Variants in JMJD1C observed in about 807,000 individuals in gnomAD.
JMJD1C encodes the protein jumonji domain containing 1C.
JMJD1C carries 31 observed loss-of-function variants against 245.3 expected under a neutral mutation model. The observed-to-expected ratio is 0.13, with a 90% CI of 0.09 to 0.17. The LOEUF is 0.17. Ranked by LOEUF, JMJD1C falls within the 10% of genes least tolerant of loss-of-function variation. JMJD1C has a pLI of 1.00. For synonymous variants in JMJD1C, 1,057 were observed against 1,017.4 expected, an observed-to-expected ratio of 1.04 and a Z score of -0.74; for missense variants, 2,691 against 3,000.2, an observed-to-expected ratio of 0.90 and a Z score of 2.41.
At chr10:63,452,455 G>C (rs1323383348) in intron 1 of JMJD1C, among the ~76,000 whole-genome samples, 2 of 152,194 alleles carry the variant, frequency 1.3e-5, no homozygotes, top group East Asian at 3.9e-4. Context: ...CTAGGATGTA[G>C]AGAAACTGGA....
At chr10:63,171,649 G>C (rs141940606) in intron 24 of JMJD1C, among the ~76,000 whole-genome samples, 9 of 152,274 alleles carry the variant, frequency 5.9e-5, no homozygotes, top group African/African-American at 1.9e-4. Flanking sequence ...GCATTTCCTG[G>C]AAACTTGTCA....
At chr10:63,242,327 G>A (rs577060124) in intron 3 of JMJD1C, among the ~76,000 whole-genome samples, 2 of 152,324 alleles carry the variant, frequency 1.3e-5, no homozygotes, top group South Asian at 2.1e-4. Context: ...TGACCTGCAC[G>A]ACTGAAGAAC....
chr10:63,298,680 A>T (rs752407608), intron 2 of JMJD1C, among the ~76,000 whole-genome samples: 2 of 152,192 alleles, frequency 1.3e-5, no homozygotes, highest in South Asian at 2.1e-4. Flanking sequence ...AACCCGTAAC[A>T]TATCTATTTA....
intron 1 of JMJD1C, among the ~76,000 whole-genome samples, chr10:63,507,510 T>C (rs937214783): frequency 2.0e-5 from 3 of 151,762 alleles, no homozygotes; most frequent in South Asian, 4.2e-4. Flanking sequence ...CCAGGAGTGG[T>C]GGCAGATGCC....
At chr10:63,197,319 G>A (rs1163176115) in intron 13 of JMJD1C, 92 bp downstream of exon 13, 4 of 1,076,446 alleles carry the variant, frequency 3.7e-6, no homozygotes, top group African/African-American at 3.3e-5. Flanking sequence ...AATAAGGAAA[G>A]TAGGAATAAA....
intron 2 of JMJD1C, among the ~76,000 whole-genome samples, chr10:63,285,776 C>T (rs1339066150): frequency 6.6e-6 from 1 of 152,072 alleles, no homozygotes; most frequent in Non-Finnish European, 1.5e-5. Context: ...CCACTGCACT[C>T]GAGACTGGGC....
chr10:63,255,007 C>A (rs749721674), intron 3 of JMJD1C, among the ~76,000 whole-genome samples: 1 of 152,038 alleles, frequency 6.6e-6, no homozygotes, highest in Non-Finnish European at 1.5e-5. Flanking sequence ...ACGTGCACCA[C>A]CATGCCCTGC....
intron 1 of JMJD1C, 55 bp downstream of exon 1, chr10:63,465,440 T>G: frequency 2.7e-6 from 4 of 1,503,562 alleles, no homozygotes. Context: ...AAGGTACGTC[T>G]GCGAGAGCCG....
chr10:63,191,199 T>C, intron 16 of JMJD1C, 91 bp from the exon 17 acceptor site: 1 of 929,306 alleles, frequency 1.1e-6, no homozygotes, highest in South Asian at 1.4e-5. Flanking sequence ...TGGCGTGACC[T>C]CGGCTCACTG....
In JMJD1C at chr10:63,257,098, G is replaced by A. The variant is rs144964747; in HGVS notation, c.447+7553C>T. ...TAAAAACACAAAAAATTAGCCGGGC[G>A]TGGTGGCTCGCACCTGTAGTCCCAG... On this transcript the variant is annotated intron_variant, in intron 3 of 25. Coordinates refer to ENST00000399262, the MANE Select transcript of JMJD1C (RefSeq NM_032776.3). Among the ~76,000 whole-genome samples the A allele has an allele frequency of 8.8e-3, 1,331 of 151,828 alleles. 23 individuals carry two copies. The highest frequency in any genetic ancestry group is 0.03 in the African/African-American group (1,263 of 41,414).
At chr10:63,344,380 G>C (rs921172056) in intron 2 of JMJD1C, among the ~76,000 whole-genome samples, 10 of 152,134 alleles carry the variant, frequency 6.6e-5, no homozygotes, top group Admixed American at 6.6e-4. Context: ...TAAGTATATA[G>C]TAGGCAAACC....
intron 2 of JMJD1C, among the ~76,000 whole-genome samples, chr10:63,278,367 A>AATAATAATG (rs1280124268): frequency 6.7e-6 from 1 of 150,238 alleles, no homozygotes; most frequent in African/African-American, 2.4e-5. Flanking sequence ...TAATAATAAT[A>AATAATAATG]ATAATAAAAT....
chr10:63,450,933 A>C (rs989210229), intron 1 of JMJD1C, among the ~76,000 whole-genome samples: 3 of 152,158 alleles, frequency 2.0e-5, no homozygotes, highest in Non-Finnish European at 2.9e-5. Context: ...AAAAAAAAAA[A>C]AAACTCTTAG....
At position 63,465,731 on chromosome 10, in the gene JMJD1C, G is replaced by A; in HGVS notation, c.-69C>T. On this transcript the variant is annotated 5_prime_UTR_variant, in exon 1 of 26. Transcript: ENST00000399262. Reference sequence around the variant, plus strand: ...GAACCGATGAAACCTCACTCCTACCGGCCGCTCATGCTGAGGAGAGCGGAC... The same window carrying A: ...GAACCGATGAAACCTCACTCCTACCAGCCGCTCATGCTGAGGAGAGCGGAC... The A allele has an allele frequency of 3.2e-6, 5 of 1,560,684 alleles. No individual in the cohort carries two copies. Among genetic ancestry groups the A allele is most frequent in the South Asian group, 1.1e-5 (1 of 89,270 alleles).
At chr10:63,218,339 A>G (rs1848220963) in intron 4 of JMJD1C, among the ~76,000 whole-genome samples, 1 of 152,130 alleles carries the variant, frequency 6.6e-6, no homozygotes, top group Admixed American at 6.5e-5. Context: ...TGAACTGTAG[A>G]AAGTATTCCA....
At chr10:63,277,331 A>T (rs1204067315) in intron 2 of JMJD1C, among the ~76,000 whole-genome samples, 1 of 151,482 alleles carries the variant, frequency 6.6e-6, no homozygotes, top group East Asian at 2.0e-4. Context: ...TGGTGTCTAC[A>T]CAAGTTATAC....
intron 1 of JMJD1C, among the ~76,000 whole-genome samples, chr10:63,474,593 G>A (rs909192635): frequency 7.9e-5 from 12 of 151,976 alleles, no homozygotes; most frequent in East Asian, 3.9e-4. Flanking sequence ...TGGGACCACC[G>A]GCATGTACCA....
At chr10:63,332,643 A>G (rs986740433) in intron 2 of JMJD1C, among the ~76,000 whole-genome samples, 2 of 152,234 alleles carry the variant, frequency 1.3e-5, no homozygotes, top group African/African-American at 4.8e-5. Context: ...GATATCTTAC[A>G]TGTTACTTAA....
chr10:63,417,925 G>C (rs1009122126), intron 1 of JMJD1C, among the ~76,000 whole-genome samples: 3 of 152,032 alleles, frequency 2.0e-5, no homozygotes, highest in African/African-American at 7.2e-5. Context: ...AACTATTTCA[G>C]GTCATAATTT....
Sources: allele counts gnomAD v4.1 joint callset (sites outside exome capture counted in the v4.1 genomes callset), GRCh38; gene constraint gnomAD v4.1.1; transcripts MANE v1.5; gene names NCBI Gene and HGNC (gene_info 2026-07-23, HGNC 2026-07-21).